CACNA2D4: variants seen among roughly 807,000 people sequenced by gnomAD.
The protein encoded by CACNA2D4 is voltage-dependent calcium channel subunit alpha-2/delta-4.
CACNA2D4 carries 157 observed loss-of-function variants against 163.8 expected under a neutral mutation model. The ratio of observed to expected loss-of-function variants is 0.96; its 90% CI spans 0.84 to 1.09. The LOEUF is 1.09. Among genes scored for constraint, CACNA2D4 ranks in the 50% least tolerant of loss-of-function variants. The pLI is 0.00. For missense variants in CACNA2D4, 1,410 were observed against 1,479.9 expected, an observed-to-expected ratio of 0.95 and a Z score of 0.78; for synonymous variants, 598 against 586.9, an observed-to-expected ratio of 1.02 and a Z score of -0.27.
intron 22 of CACNA2D4, among the ~76,000 whole-genome samples, chr12:1,854,782 A>C (rs2041140): frequency 3.3e-5 from 5 of 152,160 alleles, no homozygotes; most frequent in African/African-American, 9.7e-5. Flanking sequence ...TGATCTGGAT[A>C]TTCTTTTTCC....
In CACNA2D4 at chr12:1,828,696, C is replaced by T. The variant is rs190587991; in HGVS notation, c.2551+12043G>A. The stretch of plus-strand genomic sequence containing the variant: ...ATGTCTCTTATGCTCCTTATGCCTC[C>T]GCTTTCCCAACTCTCGGTAGAGGAC... On this transcript the variant is annotated intron_variant, in intron 26 of 37. Transcript: ENST00000382722. This position sits in a 1 kb window ranked among gnomAD's most constrained non-coding sequence, Gnocchi z 4.2. 3.3e-4 allele frequency among the ~76,000 whole-genome samples: 51 copies of T among 152,310 alleles called. No individual in the cohort carries two copies. In the East Asian group the frequency reaches 4.3e-3, roughly 13 times the overall value.
intron 26 of CACNA2D4, among the ~76,000 whole-genome samples, chr12:1,830,102 A>T (rs181157428): frequency 3.4e-4 from 52 of 152,372 alleles, no homozygotes; most frequent in Admixed American, 3.3e-3. Flanking sequence ...GCCATTGTGC[A>T]GGAATGCTGC....
At chr12:1,915,312 G>A in intron 1 of CACNA2D4, 1 of 700,510 alleles carries the variant, frequency 1.4e-6, no homozygotes, top group South Asian at 1.5e-5. Context: ...TTCTCCTGCT[G>A]AGGGTTGTGG....
intron 18 of CACNA2D4, among the ~76,000 whole-genome samples, chr12:1,866,934 A>G (rs539068120): frequency 1.4e-4 from 21 of 152,118 alleles, no homozygotes; most frequent in Non-Finnish European, 2.5e-4. Context: ...CCCCGGCCTG[A>G]AAATGTCCTT....
chr12:1,887,212 A>T, intron 6 of CACNA2D4, 143 bp from the exon 7 acceptor site: 1 of 638,558 alleles, frequency 1.6e-6, no homozygotes, highest in Non-Finnish European at 2.9e-6. Context: ...ACACTGGGAC[A>T]TGCCCTGTAG....
At chr12:1,838,052 G>A (rs560731281) in intron 26 of CACNA2D4, among the ~76,000 whole-genome samples, 5 of 152,314 alleles carry the variant, frequency 3.3e-5, no homozygotes, top group African/African-American at 9.6e-5. Context: ...TCACTTGCCC[G>A]TTACAGCCCC....
intron 1 of CACNA2D4, chr12:1,915,240 A>G: frequency 1.4e-6 from 1 of 702,634 alleles, no homozygotes. Context: ...CCTGGGCAGG[A>G]GACGCGGAGA....
chr12:1,884,277 A>C lies in CACNA2D4; in HGVS notation c.1317T>G (p.Ala439=). The change falls in exon 12 of 38, where the codon GCT becomes GCG. Residue 439 remains alanine (A), a synonymous_variant. Coordinates refer to ENST00000382722, the MANE Select transcript of CACNA2D4 (RefSeq NM_172364.5). ...TGCATGCAATCCACTTCATGCGGTC[A>C]GCAAAAGACACTTCTCTCCCAATGA... is the stretch of plus-strand genomic sequence containing the variant. ...TYLIGREVSF[A]DRMKWIACNN... 1 of 1,612,668 alleles carries C rather than the reference A, an allele frequency of 6.2e-7. No individual in the cohort carries two copies. The highest frequency in any genetic ancestry group is 8.5e-7 in the Non-Finnish European group (1 of 1,179,526).
rs553261982 is a variant in CACNA2D4 at position 1,808,252 on chromosome 12, C to T, written c.2721+2026G>A. On this transcript the variant is annotated intron_variant, in intron 29 of 37. Transcript: ENST00000382722. ...GCCTCCCCGCACGGTTGTCCCGCTGCCTCTGGAGCAGGGGCTGGAAACTAC... is the reference window on the plus strand; with the variant it reads ...GCCTCCCCGCACGGTTGTCCCGCTGTCTCTGGAGCAGGGGCTGGAAACTAC... Among the ~76,000 whole-genome samples, 322 of 152,314 alleles carry T rather than the reference C, an allele frequency of 2.1e-3. 2 individuals are homozygous for T. The highest frequency in any genetic ancestry group is 2.5e-3 in the Non-Finnish European group (169 of 68,030).
chr12:1,803,277 T>TCTTG (rs1863400380), intron 29 of CACNA2D4, among the ~76,000 whole-genome samples: 1 of 152,154 alleles, frequency 6.6e-6, no homozygotes, highest in East Asian at 1.9e-4. Context: ...AACGCACAAC[T>TCTTG]CCTGAACACC....
rs535735200 is a variant in CACNA2D4, at chr12:1,830,304, C to T, written c.2551+10435G>A. ...CTAAATCCTCATGCCAAACTGCTGG[C>T]GTCATCATGGGTGTGGGATTGATGG... On this transcript the variant is annotated intron_variant, in intron 26 of 37. Coordinates refer to ENST00000382722, the MANE Select transcript of CACNA2D4 (RefSeq NM_172364.5). 2.0e-3 allele frequency among the ~76,000 whole-genome samples: 301 copies of T among 152,330 alleles called. 1 individual carries two copies. The highest frequency in any genetic ancestry group is 7.1e-3 in the African/African-American group (296 of 41,568).
chr12:1,886,131 A>T, intron 8 of CACNA2D4, 92 bp from the exon 9 acceptor site: 1 of 1,540,246 alleles, frequency 6.5e-7, no homozygotes, highest in Non-Finnish European at 9.0e-7. Flanking sequence ...CATGCAGGTC[A>T]CCGGGTGGTC....
chr12:1,889,556 G>T (rs1866228230), intron 6 of CACNA2D4, among the ~76,000 whole-genome samples: 1 of 147,784 alleles, frequency 6.8e-6, no homozygotes, highest in Non-Finnish European at 1.5e-5. Flanking sequence ...GAACTCCTGG[G>T]CAAGGGAACC....
chr12:1,795,966 T>C, intron 35 of CACNA2D4, 186 bp from the exon 36 acceptor site: 1 of 600,600 alleles, frequency 1.7e-6, no homozygotes, highest in Non-Finnish European at 3.0e-6. Flanking sequence ...CTGGCTTTGC[T>C]CACAAGCCTT....
At position 1,810,165 on chromosome 12, in the gene CACNA2D4, C is replaced by T. The variant is rs139218988; in HGVS notation, c.2721+113G>A. ...TCAGACCTTTCACCTGAATTGGCCC[C>T]GAACAGGGTTCCCTCCTGGGGCCGT... On this transcript the variant is annotated intron_variant, in intron 29 of 37. Transcript: ENST00000382722. The T allele has an allele frequency of 2.0e-4, 168 of 844,154 alleles. 4 individuals are homozygous for T. The South Asian group carries it at 2.0e-3, about 10-fold the overall frequency. 52.3% of individuals were successfully genotyped at this position (844,154 alleles called of 1,614,324 possible). A position where few individuals can be genotyped will look rare whatever the true frequency, so the allele number is the denominator to read the frequency against.
intron 6 of CACNA2D4, among the ~76,000 whole-genome samples, chr12:1,890,456 A>G (rs536647909): frequency 6.6e-6 from 1 of 152,298 alleles, no homozygotes; most frequent in African/African-American, 2.4e-5. Context: ...TGGCAGTGAA[A>G]TCACCACAAA....
Position 1,799,807 on chromosome 12 carries a change from C to G in CACNA2D4, c.2975-112G>C. 1.4e-6 allele frequency: 2 copies of G among 1,391,172 alleles called. No homozygotes were observed. Among genetic ancestry groups the G allele is most frequent in the Non-Finnish European group, 1.0e-6 (1 of 1,003,766 alleles). The allele number at this position is 1,391,172 out of a possible 1,614,324, so 86.2% of individuals were successfully genotyped here. ...TGATGGCACATGGAGTGGCGGTGTC[C>G]CAAGATGATGTCACACACAGAGCCA... is the stretch of plus-strand genomic sequence containing the variant. On this transcript the variant is annotated intron_variant, in intron 33 of 37. Transcript: ENST00000382722. The surrounding 1 kb of genome is among the most constrained non-coding windows in gnomAD (Gnocchi z 4.7).
chr12:1,845,085 GGGGGT>G (rs1368005193), intron 24 of CACNA2D4, among the ~76,000 whole-genome samples: 1 of 152,042 alleles, frequency 6.6e-6, no homozygotes, highest in Non-Finnish European at 1.5e-5. Context: ...GAAGCAGGGT[GGGGGT>G]GGGGAGCAGA....
Position 1,828,878 on chromosome 12 carries a change from G to A in CACNA2D4, c.2551+11861C>T, listed in dbSNP as rs1407956818. Among the ~76,000 whole-genome samples the A allele has an allele frequency of 1.3e-5, 2 of 152,332 alleles. No individual in the cohort carries two copies. Among genetic ancestry groups the A allele is most frequent in the East Asian group, 1.9e-4 (1 of 5,174 alleles). On this transcript the variant is annotated intron_variant, in intron 26 of 37. Coordinates refer to ENST00000382722, the MANE Select transcript of CACNA2D4 (RefSeq NM_172364.5). The surrounding 1 kb of genome is among the most constrained non-coding windows in gnomAD (Gnocchi z 4.2). ...GCTGTCAGGGTGAAAGGAGCCCTGA[G>A]AATTCTCTTTATATGTGGCAAAGGG... is the stretch of plus-strand genomic sequence containing the variant.
Sources: gnomAD v4.1 joint callset for allele counts (sites outside exome capture counted in the v4.1 genomes callset) on GRCh38, gnomAD v4.1.1 for gene constraint, Gnocchi (gnomAD v3.1) non-coding constraint, MANE v1.5 for transcripts, NCBI Gene and HGNC (gene_info 2026-07-23, HGNC 2026-07-21) for gene names.